Variants in SCN10A observed in about 807,000 individuals in gnomAD.
The protein encoded by SCN10A is sodium channel protein type 10 subunit alpha.
In SCN10A, 162 loss-of-function variants were observed where a neutral mutation model predicts 170.7. The ratio of observed to expected loss-of-function variants is 0.95; its 90% CI spans 0.84 to 1.08. SCN10A has a LOEUF of 1.08. SCN10A is among the 50% of genes least tolerant of loss of function. The probability of loss-of-function intolerance (pLI) is 0.00; values close to 1 mark genes in which losing one functional copy is unlikely to be tolerated. For synonymous variants in SCN10A, 985 were observed against 904.6 expected, an observed-to-expected ratio of 1.09 and a Z score of -1.59; for missense variants, 2,527 against 2,436.9, an observed-to-expected ratio of 1.04 and a Z score of -0.78.
chr3:38,789,089 A>G (rs958213347), intron 3 of SCN10A, 53 bp from the exon 4 acceptor site: 3 of 993,664 alleles, frequency 3.0e-6, no homozygotes, highest in Non-Finnish European at 4.9e-6. Flanking sequence ...CTGTGATGTC[A>G]TCTAGGATCA....
At chr3:38,737,543 G>T (rs2063578155) in intron 15 of SCN10A, among the ~76,000 whole-genome samples, 1 of 152,176 alleles carries the variant, frequency 6.6e-6, no homozygotes, top group Non-Finnish European at 1.5e-5. Context: ...CATCAGCTTA[G>T]GCAGATGCCA....
At chr3:38,725,966 GC>G (rs1451816296) in intron 17 of SCN10A, among the ~76,000 whole-genome samples, 1 of 152,204 alleles carries the variant, frequency 6.6e-6, no homozygotes, top group Admixed American at 6.5e-5. Context: ...CTGGCCAGCA[GC>G]CCTGCATGTT....
intron 6 of SCN10A, among the ~76,000 whole-genome samples, chr3:38,762,122 G>C (rs2063881486): frequency 6.6e-6 from 1 of 152,204 alleles, no homozygotes; most frequent in Admixed American, 6.5e-5. Flanking sequence ...TGGGAGAGCA[G>C]CTTCGCAGGT....
intron 11 of SCN10A, among the ~76,000 whole-genome samples, chr3:38,754,068 G>A (rs2063777059): frequency 6.6e-6 from 1 of 152,182 alleles, no homozygotes; most frequent in Admixed American, 6.5e-5. Context: ...AAATCAATTA[G>A]CATTAAAGAA....
chr3:38,765,424 A>C (rs1209156080), intron 5 of SCN10A, among the ~76,000 whole-genome samples: 1 of 152,140 alleles, frequency 6.6e-6, no homozygotes, highest in African/African-American at 2.4e-5. Flanking sequence ...TCTTTCTTCC[A>C]CATGTGGCTT....
At chr3:38,712,827 G>A (rs2063290080) in intron 22 of SCN10A, among the ~76,000 whole-genome samples, 1 of 152,172 alleles carries the variant, frequency 6.6e-6, no homozygotes, top group South Asian at 2.1e-4. Flanking sequence ...ACAATTTAAA[G>A]TATGCCGTGG....
chr3:38,746,100 T>TATATATATATATATATG, intron 13 of SCN10A, among the ~76,000 whole-genome samples: 1 of 99,820 alleles, frequency 1.0e-5, no homozygotes, highest in Admixed American at 1.0e-4. Context: ...TATATATATA[T>TATATATATATATATATG]GCCATCTTTG....
intron 4 of SCN10A, among the ~76,000 whole-genome samples, chr3:38,773,765 G>A (rs139145771): frequency 9.9e-4 from 151 of 152,314 alleles, no homozygotes; most frequent in Non-Finnish European, 1.8e-3. Context: ...ATTATCTGAT[G>A]ATCTAACTGA....
chr3:38,710,061 A>T (rs146769210), intron 24 of SCN10A, among the ~76,000 whole-genome samples: 2 of 152,352 alleles, frequency 1.3e-5, no homozygotes, highest in Non-Finnish European at 2.9e-5. Context: ...AGGTGAAATC[A>T]GAAGTGGGCT....
intron 24 of SCN10A, among the ~76,000 whole-genome samples, chr3:38,710,294 G>A (rs1323414593): frequency 6.6e-6 from 1 of 152,080 alleles, no homozygotes; most frequent in African/African-American, 2.4e-5. Context: ...CGAGCAGCTG[G>A]GACTACAGGC....
In SCN10A at chr3:38,757,133, A is replaced by C; in HGVS notation, c.977T>G (p.Leu326Arg). 6.2e-7 allele frequency: 1 copy of C among 1,611,246 alleles called. No homozygotes were observed. The highest frequency in any genetic ancestry group is 8.5e-7 in the Non-Finnish European group (1 of 1,178,646). Residue 326 changes from leucine (L) to arginine (R), a missense_variant, in exon 9 of 28, where the codon CTT (leucine) becomes CGT (arginine). Leu to Arg is a moderately radical substitution (Grantham distance 102). Coordinates refer to ENST00000449082, the MANE Select transcript of SCN10A (RefSeq NM_006514.4). ...SGHCPDGYICLKTSDNPDFNY... is the reference protein window; with the variant it reads ...SGHCPDGYICRKTSDNPDFNY... ...AAAATCCGGGTTGTCAGAAGTTTTA[A>C]GGCAGATATAACCATCAGGGCAGTG...
Position 38,718,689 on chromosome 3 carries a change from G to T in SCN10A, c.3645C>A (p.Thr1215=). 1.2e-6 allele frequency: 2 copies of T among 1,614,200 alleles called. 1 individual carries two copies. The highest frequency in any genetic ancestry group is 2.2e-5 in the South Asian group (2 of 91,084). ...GGAAGTCCAGCCAGCACCAGGCATTGGTGAAGTACTTTTTGAAGCCATAGG... is the reference window on the plus strand; with the variant it reads ...GGAAGTCCAGCCAGCACCAGGCATTTGTGAAGTACTTTTTGAAGCCATAGG... ...WVAYGFKKYF[T]NAWCWLDFLI... Residue 1215 remains threonine (T), a synonymous_variant, in exon 21 of 28, where the codon ACC becomes ACA. Coordinates refer to ENST00000449082, the MANE Select transcript of SCN10A (RefSeq NM_006514.4).
chr3:38,814,634 A>G (rs2064460739), intron 1 of SCN10A, among the ~76,000 whole-genome samples: 1 of 152,236 alleles, frequency 6.6e-6, no homozygotes, highest in Non-Finnish European at 1.5e-5. Flanking sequence ...CTCAAAAATT[A>G]TCCTTGTAGG....
Position 38,752,558 on chromosome 3 carries a change from T to C in SCN10A, c.1462-46A>G. Reference sequence around the variant, plus strand: ...GCAAGAAGGCTGGAAACTGGTCCTCTGGGAAATCTAGAGCCCAACACTTCC... The same window carrying C: ...GCAAGAAGGCTGGAAACTGGTCCTCCGGGAAATCTAGAGCCCAACACTTCC... On this transcript the variant is annotated intron_variant, in intron 11 of 27. Coordinates refer to ENST00000449082, the MANE Select transcript of SCN10A (RefSeq NM_006514.4). 3 of 1,476,742 alleles carry C rather than the reference T, an allele frequency of 2.0e-6. No homozygotes were observed. In the South Asian group the frequency reaches 4.3e-5, roughly 21 times the overall value. The allele number at this position is 1,476,742 out of a possible 1,614,324, so 91.5% of individuals were successfully genotyped here.
chr3:38,699,636 A>C lies in SCN10A; in HGVS notation c.4658-1074T>G, dbSNP rs959610051. Among the ~76,000 whole-genome samples, 7 of 152,342 alleles carry C rather than the reference A, an allele frequency of 4.6e-5. No homozygotes were observed. In the East Asian group the frequency reaches 1.4e-3, roughly 29 times the overall value. ...AATAATTATAATTTTGGATTATAAA[A>C]TCTTTGTGGAAGACCTTCTGTGAAT... On this transcript the variant is annotated intron_variant, in intron 27 of 27. Transcript: ENST00000449082.
At chr3:38,727,625 G>A (rs1214647845) in intron 16 of SCN10A, among the ~76,000 whole-genome samples, 2 of 152,182 alleles carry the variant, frequency 1.3e-5, no homozygotes, top group Non-Finnish European at 2.9e-5. Flanking sequence ...GCACCAGGGT[G>A]GAAAAGACTA....
rs368394544 is a variant in SCN10A, at chr3:38,753,687, G to A, written c.1462-1175C>T. The stretch of plus-strand genomic sequence containing the variant: ...AGAAAAATTGACACATCCATATTAA[G>A]GAAGGGAATACTACATTATTTGCAC... On this transcript the variant is annotated intron_variant, in intron 11 of 27. Transcript: ENST00000449082. Among the ~76,000 whole-genome samples, 7 of 152,106 alleles carry A rather than the reference G, an allele frequency of 4.6e-5. No homozygotes were observed. The East Asian group carries it at 1.4e-3, about 29-fold the overall frequency.
chr3:38,724,194 G>A lies in SCN10A; in HGVS notation c.3229-641C>T, dbSNP rs561168246. Among the ~76,000 whole-genome samples, 15 of 151,544 alleles carry A rather than the reference G, an allele frequency of 9.9e-5. No homozygotes were observed. The East Asian group carries it at 1.4e-3, about 14-fold the overall frequency. On this transcript the variant is annotated intron_variant, in intron 18 of 27. Coordinates refer to ENST00000449082, the MANE Select transcript of SCN10A (RefSeq NM_006514.4). The stretch of plus-strand genomic sequence containing the variant: ...TGTTCACCCACAGCCCCCAAATCCC[G>A]TCCCAGCCCTCCCTCTTATCTTACC...
At position 38,725,326 on chromosome 3, in the gene SCN10A, G is replaced by A. The variant is rs758090555; in HGVS notation, c.3088-12C>T. 6.4e-7 allele frequency: 1 copy of A among 1,566,262 alleles called. No individual in the cohort carries two copies. ...TGCAGCTGCTCCTGCTAGTGAGAGA[G>A]GGTCCCAACTGGGTGCCTGGCCCCA... On this transcript the variant is annotated splice_polypyrimidine_tract_variant and intron_variant, in intron 17 of 27. Coordinates refer to ENST00000449082, the MANE Select transcript of SCN10A (RefSeq NM_006514.4).
Sources: gnomAD v4.1 joint callset for allele counts (sites outside exome capture counted in the v4.1 genomes callset) on GRCh38, gnomAD v4.1.1 for gene constraint, MANE v1.5 for transcripts, NCBI Gene and HGNC (gene_info 2026-07-23, HGNC 2026-07-21) for gene names.